Variants in CDC42 observed in about 807,000 individuals in gnomAD.
CDC42 encodes cell division control protein 42 homolog.
CDC42 carries 1 observed loss-of-function variant against 20.8 expected under a neutral mutation model. The observed-to-expected ratio is 0.05, with a 90% CI of 0.02 to 0.23. The LOEUF (loss-of-function observed/expected upper bound fraction) is 0.23. Ranked by LOEUF, CDC42 falls within the 10% of genes least tolerant of loss-of-function variation. The pLI, the probability that CDC42 is intolerant of heterozygous loss-of-function variation, is 1.00. For missense variants in CDC42, 49 were observed against 227.9 expected (o/e 0.21, Z 5.05); for synonymous variants, 72 against 84.8 (o/e 0.85, Z 0.83).
intron 5 of CDC42, chr1:22,089,831 G>A (rs987129407): frequency 1.2e-4 from 121 of 1,048,134 alleles, no homozygotes; most frequent in Non-Finnish European, 1.6e-4. Flanking sequence ...TTTTCTTAAG[G>A]CACATTGCTT....
intron 5 of CDC42, chr1:22,090,030 T>TAAGTGTTTTCTTAGA: frequency 1.2e-6 from 2 of 1,613,872 alleles, no homozygotes; most frequent in East Asian, 4.5e-5. Flanking sequence ...CTGTATATTC[T>TAAGTGTTTTCTTAGA]AAACTGTTTT....
At chr1:22,090,503 C>G (rs1275994577) in intron 5 of CDC42, 6 of 987,096 alleles carry the variant, frequency 6.1e-6, no homozygotes, top group Non-Finnish European at 7.2e-6. Flanking sequence ...GGATTCTTTT[C>G]TGGTTTTCCT....
chr1:22,057,550 A>G (rs559123421), intron 1 of CDC42, among the ~76,000 whole-genome samples: 7 of 151,050 alleles, frequency 4.6e-5, no homozygotes, highest in African/African-American at 1.7e-4. Context: ...GCCCCTGGCT[A>G]ATTTTGTATT....
At chr1:22,061,528 C>CTTTTTTTTT (rs1404317396) in intron 1 of CDC42, among the ~76,000 whole-genome samples, 2 of 86,306 alleles carry the variant, frequency 2.3e-5, no homozygotes, top group Non-Finnish European at 2.2e-5. Context: ...CTTCATGTTT[C>CTTTTTTTTT]TTTCTTTTTT....
chr1:22,090,090 CG>C, intron 5 of CDC42: 1 of 1,583,546 alleles, frequency 6.3e-7, no homozygotes, highest in Non-Finnish European at 8.6e-7. Flanking sequence ...GTAGAAAGAT[CG>C]TTTAAAAACA....
rs1311287685 is a variant in CDC42, at chr1:22,095,289, A to T, written c.*3772A>T. Among the ~76,000 whole-genome samples the T allele has an allele frequency of 2.7e-5, 4 of 150,514 alleles. No individual in the cohort carries two copies. In the South Asian group the frequency reaches 6.3e-4, roughly 24 times the overall value. On this transcript the variant is annotated 3_prime_UTR_variant, in exon 6 of 6. Transcript: ENST00000656825. Reference sequence around the variant, plus strand: ...GAATGCTTGAATACTTTTTTTTTTGAGATGGAGTCTCGTTCTGTCGCCCAG... The same window carrying T: ...GAATGCTTGAATACTTTTTTTTTTGTGATGGAGTCTCGTTCTGTCGCCCAG...
rs1268939317 is a variant in CDC42 at position 22,099,964 on chromosome 1, A to T, written c.*8447A>T. Among the ~76,000 whole-genome samples the T allele has an allele frequency of 6.6e-6, 1 of 151,580 alleles. No individual in the cohort carries two copies. The highest frequency in any genetic ancestry group is 1.5e-5 in the Non-Finnish European group (1 of 67,920). Reference sequence around the variant, plus strand: ...TAGTAAGTGAGGGAACTGGGATTTGAATTTAAGCAGTCTGTCTCTAGAGTC... The same window carrying T: ...TAGTAAGTGAGGGAACTGGGATTTGTATTTAAGCAGTCTGTCTCTAGAGTC... On this transcript the variant is annotated 3_prime_UTR_variant, in exon 6 of 6. Transcript: ENST00000656825.
At chr1:22,071,683 C>T (rs1301363622) in intron 1 of CDC42, among the ~76,000 whole-genome samples, 2 of 152,176 alleles carry the variant, frequency 1.3e-5, no homozygotes, top group South Asian at 2.1e-4. Flanking sequence ...CAGACTAGTC[C>T]TTCTGTTGAA....
At chr1:22,089,928 C>A (rs1645699141) in intron 5 of CDC42, 1 of 1,611,944 alleles carries the variant, frequency 6.2e-7, no homozygotes, top group East Asian at 2.2e-5. Flanking sequence ...CTCTCTCCTC[C>A]CCTCTGTCTT....
chr1:22,065,203 C>T (rs575254834), intron 1 of CDC42, among the ~76,000 whole-genome samples: 5 of 152,216 alleles, frequency 3.3e-5, no homozygotes, highest in Non-Finnish European at 7.3e-5. Context: ...ATGCCCTTTA[C>T]TGCAACTCTG....
intron 1 of CDC42, among the ~76,000 whole-genome samples, chr1:22,060,081 C>T (rs1309455813): frequency 6.6e-6 from 1 of 151,952 alleles, no homozygotes; most frequent in Non-Finnish European, 1.5e-5. Flanking sequence ...GTGGCTCATG[C>T]TTGTAATCCC....
At position 22,060,309 on chromosome 1, in the gene CDC42, C is replaced by G. The variant is rs550714456; in HGVS notation, c.-51+7567C>G. On this transcript the variant is annotated intron_variant, in intron 1 of 5. Coordinates refer to ENST00000656825, the MANE Select transcript of CDC42 (RefSeq NM_001791.4). ...GCGGGGATGCACCACTGTTCTCCAGCCTGGGTGACAGCTGAGACTCCGTCT... is the reference window on the plus strand; with the variant it reads ...GCGGGGATGCACCACTGTTCTCCAGGCTGGGTGACAGCTGAGACTCCGTCT... Among the ~76,000 whole-genome samples, 3 of 151,948 alleles carry G rather than the reference C, an allele frequency of 2.0e-5. No individual in the cohort carries two copies. The South Asian group carries it at 6.2e-4, about 32-fold the overall frequency.
At chr1:22,082,226 A>G (rs547298927) in intron 3 of CDC42, among the ~76,000 whole-genome samples, 9 of 152,338 alleles carry the variant, frequency 5.9e-5, no homozygotes, top group African/African-American at 2.2e-4. Context: ...GCCTAAGGTT[A>G]TAAGGTCATA....
In CDC42 at chr1:22,101,290, G is replaced by A. The variant is rs1557914333; in HGVS notation, c.*9773G>A. 1 of 152,210 alleles carries A rather than the reference G, an allele frequency of 6.6e-6. No individual in the cohort carries two copies. Among genetic ancestry groups the A allele is most frequent in the East Asian group, 1.9e-4 (1 of 5,206 alleles). 9.4% of individuals were successfully genotyped at this position (152,210 alleles called of 1,614,324 possible). A position where few individuals can be genotyped will look rare whatever the true frequency, so the allele number is the denominator to read the frequency against. On this transcript the variant is annotated 3_prime_UTR_variant, in exon 6 of 6. Coordinates refer to ENST00000656825, the MANE Select transcript of CDC42 (RefSeq NM_001791.4). ...TCCAGGTTCTAGTTGAGGCACCAGA[G>A]TTTCCTTGGGCAAGTTGCCATACCT... is the stretch of plus-strand genomic sequence containing the variant.
At position 22,087,545 on chromosome 1, in the gene CDC42, A is replaced by T. The variant is rs72879243; in HGVS notation, c.486+679A>T. Among the ~76,000 whole-genome samples, 742 of 152,276 alleles carry T rather than the reference A, an allele frequency of 4.9e-3. 6 individuals are homozygous for T. The highest frequency in any genetic ancestry group is 0.016 in the African/African-American group (672 of 41,558). ...GACTTGTAACTGATGTGTATGGTTT[A>T]AACTTTTTCACCTTCATGATATCGC... On this transcript the variant is annotated intron_variant, in intron 5 of 5. Transcript: ENST00000656825.
intron 1 of CDC42, among the ~76,000 whole-genome samples, chr1:22,058,311 C>T (rs1645325875): frequency 6.6e-6 from 1 of 152,074 alleles, no homozygotes; most frequent in Non-Finnish European, 1.5e-5. Context: ...TTTTATTTTC[C>T]TATGGAAGCA....
intron 1 of CDC42, among the ~76,000 whole-genome samples, chr1:22,073,351 A>G (rs958421270): frequency 5.3e-5 from 8 of 151,956 alleles, no homozygotes; most frequent in African/African-American, 1.2e-4. Flanking sequence ...AGCCTGGCCA[A>G]TGTGGCGAAA....
chr1:22,081,533 T>G (rs1438607041), intron 2 of CDC42, among the ~76,000 whole-genome samples, 189 bp from the exon 3 acceptor site: 1 of 152,188 alleles, frequency 6.6e-6, no homozygotes, highest in Non-Finnish European at 1.5e-5. Context: ...GAACACATCC[T>G]TTGTCTTTTT....
At chr1:22,079,667 A>C (rs1184297572) in intron 2 of CDC42, among the ~76,000 whole-genome samples, 2 of 152,226 alleles carry the variant, frequency 1.3e-5, no homozygotes, top group African/African-American at 2.4e-5. Context: ...TTTGGAGACA[A>C]GATAAATGGA....
Sources: allele counts gnomAD v4.1 joint callset (sites outside exome capture counted in the v4.1 genomes callset), GRCh38; gene constraint gnomAD v4.1.1; transcripts MANE v1.5; gene names NCBI Gene and HGNC (gene_info 2026-07-23, HGNC 2026-07-21).